Variants in TAB2 observed in about 807,000 individuals in gnomAD.
The protein encoded by TAB2 is TGF-beta activated kinase 1 (MAP3K7) binding protein 2.
A neutral mutation model predicts 65.0 loss-of-function variants in TAB2; 3 were observed. That is an observed-to-expected ratio of 0.05 (90% CI 0.02 to 0.12). The LOEUF (loss-of-function observed/expected upper bound fraction) is 0.12, where lower values mean the gene tolerates loss of function less well. TAB2 is among the 10% of genes least tolerant of loss of function. The probability of loss-of-function intolerance (pLI) is 1.00; values close to 1 mark genes in which losing one functional copy is unlikely to be tolerated. For missense variants in TAB2, 623 were observed against 840.3 expected (o/e 0.74, Z 3.20); for synonymous variants, 298 against 285.1 (o/e 1.05, Z -0.46).
At chr6:149,333,743 G>GTC (rs1779852630) in intron 1 of TAB2, among the ~76,000 whole-genome samples, 1 of 149,846 alleles carries the variant, frequency 6.7e-6, no homozygotes, top group Admixed American at 6.6e-5. Context: ...GTGTGTGTGT[G>GTC]TGTCTATGTG....
intron 1 of TAB2, among the ~76,000 whole-genome samples, chr6:149,296,357 T>A (rs748455115): frequency 1.3e-5 from 2 of 152,174 alleles, no homozygotes; most frequent in Non-Finnish European, 2.9e-5. Context: ...GTCTTTCAGG[T>A]CCTCAAGCCT....
upstream of TAB2, among the ~76,000 whole-genome samples, chr6:149,317,309 A>G (rs1779279913): frequency 6.6e-6 from 1 of 151,872 alleles, no homozygotes; most frequent in Admixed American, 6.5e-5. The surrounding 1 kb of genome is among the most constrained non-coding windows in gnomAD (Gnocchi z 4.7). Context: ...GCACGGCCCC[A>G]GCGGCGGCCC....
At chr6:149,296,278 T>A (rs1260223652) in intron 1 of TAB2, among the ~76,000 whole-genome samples, 1 of 152,142 alleles carries the variant, frequency 6.6e-6, no homozygotes, top group Non-Finnish European at 1.5e-5. Flanking sequence ...CCCTTTGAAG[T>A]CTCAGCTTAC....
intron 3 of TAB2, among the ~76,000 whole-genome samples, chr6:149,384,777 T>C (rs1476380746): frequency 6.6e-6 from 1 of 152,142 alleles, no homozygotes; most frequent in East Asian, 1.9e-4. Context: ...GCAACTTTTA[T>C]AGGTATGGAG....
intron 1 of TAB2, among the ~76,000 whole-genome samples, chr6:149,288,295 A>G (rs556896879): frequency 6.6e-6 from 1 of 152,260 alleles, no homozygotes; most frequent in East Asian, 1.9e-4. Flanking sequence ...ATTCATCTCA[A>G]TGCAAATTAG....
chr6:149,283,776 T>C (rs1358287476), intron 1 of TAB2, among the ~76,000 whole-genome samples: 1 of 152,070 alleles, frequency 6.6e-6, no homozygotes, highest in African/African-American at 2.4e-5. Flanking sequence ...GTGGTGACTT[T>C]TGGGAACAAT....
chr6:149,393,990 T>C (rs1782084570), intron 3 of TAB2, among the ~76,000 whole-genome samples: 1 of 152,190 alleles, frequency 6.6e-6, no homozygotes, highest in South Asian at 2.1e-4. Flanking sequence ...CTGTGATTTG[T>C]TGTATTTCAT....
chr6:149,316,574 A>G (rs1779256446), upstream of TAB2, among the ~76,000 whole-genome samples: 1 of 152,206 alleles, frequency 6.6e-6, no homozygotes. Context: ...TGGAAGCGCT[A>G]GAATTTTTAA....
chr6:149,293,830 AT>A (rs1166825350), intron 1 of TAB2, among the ~76,000 whole-genome samples: 1 of 152,220 alleles, frequency 6.6e-6, no homozygotes, highest in Non-Finnish European at 1.5e-5. Context: ...AGAAGCAGCT[AT>A]TCTGCTATAA....
chr6:149,342,197 G>A (rs1166983914), intron 1 of TAB2, among the ~76,000 whole-genome samples: 2 of 152,030 alleles, frequency 1.3e-5, no homozygotes, highest in African/African-American at 4.8e-5. Context: ...TCAATTCATT[G>A]CTTGGATATA....
intron 2 of TAB2, among the ~76,000 whole-genome samples, chr6:149,377,062 TG>T (rs1320193369): frequency 2.8e-5 from 4 of 140,750 alleles, no homozygotes; most frequent in Non-Finnish European, 6.1e-5. Context: ...ATGCTACAAA[TG>T]TAACTTATTT....
chr6:149,285,432 C>T (rs62428484), intron 1 of TAB2, among the ~76,000 whole-genome samples: 29,055 of 152,096 alleles, frequency 0.19, 3,006 homozygotes, highest in East Asian at 0.43. Context: ...AGAGGTAGGA[C>T]TAAGGCCATC....
intron 1 of TAB2, among the ~76,000 whole-genome samples, chr6:149,366,603 T>G (rs1781047384): frequency 6.6e-6 from 1 of 152,180 alleles, no homozygotes; most frequent in Non-Finnish European, 1.5e-5. Flanking sequence ...TGTTTCCTTC[T>G]TCCAAGTGCT....
chr6:149,249,210 T>C (rs927822510), intron 1 of TAB2, among the ~76,000 whole-genome samples: 2 of 151,138 alleles, frequency 1.3e-5, no homozygotes, highest in African/African-American at 2.4e-5. Flanking sequence ...CTAGAAGCAA[T>C]TCTTGGCCAC....
intron 1 of TAB2, among the ~76,000 whole-genome samples, chr6:149,306,768 T>C (rs1252647295): frequency 6.6e-6 from 1 of 152,052 alleles, no homozygotes; most frequent in African/African-American, 2.4e-5. Flanking sequence ...GAAAACTTGC[T>C]GTGTGCTGGG....
chr6:149,280,905 A>G (rs1259880755), intron 1 of TAB2, among the ~76,000 whole-genome samples: 1 of 147,544 alleles, frequency 6.8e-6, no homozygotes, highest in Non-Finnish European at 1.5e-5. Flanking sequence ...ACACTCCAGC[A>G]TAGGTGACAG....
chr6:149,398,113 CA>C, intron 5 of TAB2, 51 bp downstream of exon 5: 1 of 1,503,364 alleles, frequency 6.7e-7, no homozygotes. Context: ...AATTCACCAG[CA>C]GTTTTTCTGT....
In TAB2 at chr6:149,289,110, C is replaced by T. The variant is rs564805925; in HGVS notation, c.-121+70334C>T. On this transcript the variant is annotated intron_variant, in intron 1 of 1. Coordinates refer to the TAB2 transcript ENST00000606202. The stretch of plus-strand genomic sequence containing the variant: ...CTGGCCTCAAGTGATCCACCCGCCT[C>T]AGCCTCCCAAAGTCCTGAGATTACA... 3.9e-4 allele frequency among the ~76,000 whole-genome samples: 60 copies of T among 152,158 alleles called. No individual in the cohort carries two copies. In the South Asian group the frequency reaches 0.012, roughly 31 times the overall value.
chr6:149,386,154 G>A (rs186517344), intron 3 of TAB2, among the ~76,000 whole-genome samples: 6 of 152,098 alleles, frequency 3.9e-5, no homozygotes, highest in East Asian at 1.9e-4. Flanking sequence ...GTGAACACAC[G>A]GGATTATATA....
Sources: gnomAD v4.1 joint callset for allele counts (sites outside exome capture counted in the v4.1 genomes callset) on GRCh38, gnomAD v4.1.1 for gene constraint, Gnocchi (gnomAD v3.1) non-coding constraint, MANE v1.5 for transcripts, NCBI Gene and HGNC (gene_info 2026-07-23, HGNC 2026-07-21) for gene names.